The following MTR variants were observed in gnomAD, a reference collection of about 807,000 sequenced individuals.
MTR encodes the protein methionine synthase.
MTR carries 84 observed loss-of-function variants against 154.8 expected under a neutral mutation model. The ratio of observed to expected loss-of-function variants is 0.54; its 90% CI spans 0.45 to 0.65. The LOEUF is 0.65. MTR is among the 30% of genes least tolerant of loss of function. MTR has a pLI of 0.00. For missense variants in MTR, 1,275 were observed against 1,570.2 expected, an observed-to-expected ratio of 0.81 and a Z score of 3.18; for synonymous variants, 554 against 553.9, an observed-to-expected ratio of 1.00 and a Z score of 0.00.
At chr1:236,863,357 G>C in intron 21 of MTR, 97 bp from the exon 22 acceptor site, 3 of 941,110 alleles carry the variant, frequency 3.2e-6, no homozygotes, top group Non-Finnish European at 5.1e-6. Context: ...TGGTTGTATT[G>C]AATTGCTTTC....
At chr1:236,810,385 A>G (rs1199222991) in intron 4 of MTR, 118 bp from the exon 5 acceptor site, 1 of 865,638 alleles carries the variant, frequency 1.2e-6, no homozygotes, top group Non-Finnish European at 2.0e-6. Flanking sequence ...TGGATTTCAG[A>G]GTTGTGGACA....
Position 236,816,585 on chromosome 1 carries a change from G to T in MTR, c.764+42G>T, listed in dbSNP as rs201229491. The stretch of plus-strand genomic sequence containing the variant: ...TCTGTAACTTCTTTTCTTTTTTGGG[G>T]AACCTTTTCTGATGGCTGTGGAGTG... On this transcript the variant is annotated intron_variant, in intron 8 of 32. Coordinates refer to ENST00000366577, the MANE Select transcript of MTR (RefSeq NM_000254.3). 48 of 1,545,724 alleles carry T rather than the reference G, an allele frequency of 3.1e-5. No homozygotes were observed. In the Middle Eastern group the frequency reaches 5.1e-4, roughly 16 times the overall value.
intron 15 of MTR, among the ~76,000 whole-genome samples, chr1:236,846,184 C>G (rs1334250797): frequency 6.6e-6 from 1 of 152,140 alleles, no homozygotes; most frequent in Non-Finnish European, 1.5e-5. Context: ...AACTGTTATT[C>G]TTAACTCTAC....
At chr1:236,837,618 G>A (rs761643257) in intron 14 of MTR, among the ~76,000 whole-genome samples, 1 of 152,146 alleles carries the variant, frequency 6.6e-6, no homozygotes, top group Non-Finnish European at 1.5e-5. Flanking sequence ...TGTGGCCTAT[G>A]CTGGGAGCTG....
chr1:236,869,537 C>T (rs1665005847), intron 22 of MTR, among the ~76,000 whole-genome samples: 1 of 152,208 alleles, frequency 6.6e-6, no homozygotes, highest in Non-Finnish European at 1.5e-5. Context: ...GTAAAATCAA[C>T]AACTTCCGTA....
chr1:236,824,330 G>C, intron 9 of MTR, 111 bp downstream of exon 9: 1 of 942,260 alleles, frequency 1.1e-6, no homozygotes, highest in Non-Finnish European at 1.7e-6. Context: ...TGTTGGTATA[G>C]TTGACACTTA....
Position 236,891,311 on chromosome 1 carries a change from C to T in MTR, c.3186C>T (p.Phe1062=), listed in dbSNP as rs1666306257. The stretch of plus-strand genomic sequence containing the variant: ...AGGCTGCAGAGCCCATAGCCACCTT[C>T]TATGGGTTAAGGCAACAGGTATGGA... The part of the protein sequence containing the change: ...VPQAAEPIAT[F]YGLRQQAEKD... The change falls in exon 29 of 33, where the codon TTC becomes TTT. Residue 1062 remains phenylalanine, a synonymous_variant. Transcript: ENST00000366577. The T allele has an allele frequency of 6.2e-7, 1 of 1,614,146 alleles. No homozygotes were observed. Among genetic ancestry groups the T allele is most frequent in the East Asian group, 2.2e-5 (1 of 44,868 alleles).
chr1:236,897,474 A>G, intron 32 of MTR, 84 bp from the exon 33 acceptor site: 2 of 1,258,032 alleles, frequency 1.6e-6, no homozygotes, highest in Non-Finnish European at 2.3e-6. Flanking sequence ...AAGGTACTTA[A>G]TGTTTCTTGG....
At chr1:236,889,796 T>C (rs894286977) in intron 28 of MTR, among the ~76,000 whole-genome samples, 4 of 152,002 alleles carry the variant, frequency 2.6e-5, no homozygotes, top group African/African-American at 9.7e-5. Context: ...GTGGATGTGA[T>C]ATGGTGTTGA....
chr1:236,873,730 T>C (rs1572306474), intron 22 of MTR, 43 bp from the exon 23 acceptor site: 3 of 1,527,992 alleles, frequency 2.0e-6, no homozygotes, highest in African/African-American at 2.7e-5. Context: ...TTGTCTCTAA[T>C]GGGCTTTCAT....
intron 15 of MTR, among the ~76,000 whole-genome samples, chr1:236,839,762 G>T (rs937396167): frequency 3.3e-5 from 5 of 152,160 alleles, no homozygotes; most frequent in African/African-American, 1.2e-4. Flanking sequence ...ATTTATTGTA[G>T]CATTGTGGTA....
chr1:236,852,781 T>C (rs1663984577), intron 17 of MTR, 144 bp downstream of exon 17: 15 of 1,082,498 alleles, frequency 1.4e-5, no homozygotes, highest in Admixed American at 3.6e-5. Flanking sequence ...ACCTATTCAT[T>C]TGTATCTTGT....
At position 236,808,701 on chromosome 1, in the gene MTR, T is replaced by C. The variant is rs772591750; in HGVS notation, c.340-3T>C. On this transcript the variant is annotated splice_polypyrimidine_tract_variant and splice_region_variant and intron_variant, in intron 3 of 32. Coordinates refer to ENST00000366577, the MANE Select transcript of MTR (RefSeq NM_000254.3). ...AAGCTAACGTTTGTGGTTGATACGT[T>C]AGGCCTACCGGATGAACATGTGCTC... 18 of 1,614,042 alleles carry C rather than the reference T, an allele frequency of 1.1e-5. No homozygotes were observed. Among genetic ancestry groups the C allele is most frequent in the Non-Finnish European group, 1.5e-5 (18 of 1,179,996 alleles).
Position 236,898,374 on chromosome 1 carries a change from T to C in MTR, c.*730T>C, listed in dbSNP as rs1247649121. The C allele has an allele frequency of 6.8e-6, 1 of 146,568 alleles. No homozygotes were observed. Among genetic ancestry groups the C allele is most frequent in the Non-Finnish European group, 1.5e-5 (1 of 67,360 alleles). 9.1% of individuals were successfully genotyped at this position (146,568 alleles called of 1,614,324 possible). On this transcript the variant is annotated 3_prime_UTR_variant, in exon 33 of 33. Transcript: ENST00000366577. The stretch of plus-strand genomic sequence containing the variant: ...GAGAGAAAGTTACTGTTAAGGGTGG[T>C]TAACATTTTTTTTGTTTTGTTTTGT...
At chr1:236,823,796 CTTTTTTTTTTTTTTTTT>C (rs59710180) in intron 8 of MTR, among the ~76,000 whole-genome samples, 1 of 18,424 alleles carries the variant, frequency 5.4e-5, no homozygotes, top group Non-Finnish European at 9.4e-5. Flanking sequence ...CAGGTCAGAT[CTTTTTTTTTTTTTTTTT>C]TTTTTTTTTT....
At position 236,897,645 on chromosome 1, in the gene MTR, C is replaced by CT. The variant is rs67705775; in HGVS notation, c.*16dup. 0.039 allele frequency: 57,618 copies of CT among 1,462,478 alleles called. 14 individuals are homozygous for CT. The highest frequency in any genetic ancestry group is 0.061 in the Middle Eastern group (332 of 5,408). 90.6% of individuals were successfully genotyped at this position (1,462,478 alleles called of 1,614,324 possible). ...CATTTTGGGATATGATACAGACTAACTTTTTTTTTTTTTTTGCCTTTTTTA... is the reference window on the plus strand; with the variant it reads ...CATTTTGGGATATGATACAGACTAACTTTTTTTTTTTTTTTTGCCTTTTTTA... On this transcript the variant is annotated 3_prime_UTR_variant, in exon 33 of 33. Transcript: ENST00000366577.
chr1:236,842,397 A>C (rs1663306414), intron 15 of MTR, among the ~76,000 whole-genome samples: 1 of 151,974 alleles, frequency 6.6e-6, no homozygotes, highest in Non-Finnish European at 1.5e-5. Flanking sequence ...TTTTTGGTAC[A>C]TATATTATTG....
chr1:236,869,715 T>TGAAAGGGAATG (rs1665018880), intron 22 of MTR, among the ~76,000 whole-genome samples: 2 of 151,360 alleles, frequency 1.3e-5, no homozygotes, highest in South Asian at 4.2e-4. Flanking sequence ...GTGGTAGAGG[T>TGAAAGGGAATG]GAGAGGGATG....
At chr1:236,888,220 A>G (rs1666126012) in intron 27 of MTR, among the ~76,000 whole-genome samples, 1 of 152,204 alleles carries the variant, frequency 6.6e-6, no homozygotes. Flanking sequence ...ATCAGGAAGT[A>G]GAGAGACAGG....
Sources: gnomAD v4.1 joint callset for allele counts (sites outside exome capture counted in the v4.1 genomes callset) on GRCh38, gnomAD v4.1.1 for gene constraint, MANE v1.5 for transcripts, NCBI Gene and HGNC (gene_info 2026-07-23, HGNC 2026-07-21) for gene names.